The following ZDHHC23 variants were observed in gnomAD, a reference collection of about 807,000 sequenced individuals.
The protein encoded by ZDHHC23 is zDHHC palmitoyltransferase 23.
ZDHHC23 carries 41 observed loss-of-function variants against 40.2 expected under a neutral mutation model. That is an observed-to-expected ratio of 1.02 (90% CI 0.79 to 1.32). ZDHHC23 has a LOEUF of 1.32. ZDHHC23 is among the 40% of genes most tolerant of loss of function. The pLI is 0.00. For synonymous variants in ZDHHC23, 204 were observed against 210.2 expected, an observed-to-expected ratio of 0.97 and a Z score of 0.26; for missense variants, 471 against 541.5, an observed-to-expected ratio of 0.87 and a Z score of 1.29.
At position 113,960,564 on chromosome 3, in the gene ZDHHC23, A is replaced by G; in HGVS notation, c.*1934A>G. On this transcript the variant is annotated 3_prime_UTR_variant, in exon 5 of 5. Coordinates refer to ENST00000638807, the MANE Select transcript of ZDHHC23 (RefSeq NM_001320466.2). ...ATCTAGCCATTGATCATACAAATTG[A>G]TAGAAACATTAGTCAGTAATTTTAG... The G allele has an allele frequency of 1.4e-6, 2 of 1,472,492 alleles. No individual in the cohort carries two copies. The highest frequency in any genetic ancestry group is 1.4e-5 in the South Asian group (1 of 70,456). 91.2% of individuals were successfully genotyped at this position (1,472,492 alleles called of 1,614,324 possible). A position where few individuals can be genotyped will look rare whatever the true frequency, so the allele number is the denominator to read the frequency against.
At chr3:113,964,037 G>A (rs1483169230), downstream of ZDHHC23, 1 of 151,944 alleles carries the variant, frequency 6.6e-6, no homozygotes, top group East Asian at 1.9e-4. Context: ...AAGGTGTTTG[G>A]TCATATCACA....
At chr3:113,977,871 A>G in the ZDHHC23 span, among the ~76,000 whole-genome samples, 12 of 152,334 alleles carry the variant, frequency 7.9e-5, 1 homozygote, top group South Asian at 2.5e-3. Context: ...ATAAAACTAT[A>G]TTTGACTAAC....
rs930265900 is a variant in ZDHHC23, at chr3:113,948,096, A to T, written c.-212A>T. ...TGCCGTCACGCCCGGGGCTCCGCGTAGCAGAGATCGGGAGACGCGTCTGTG... is the reference window on the plus strand; with the variant it reads ...TGCCGTCACGCCCGGGGCTCCGCGTTGCAGAGATCGGGAGACGCGTCTGTG... On this transcript the variant is annotated 5_prime_UTR_variant, in exon 1 of 5. Transcript: ENST00000638807. 4.6e-5 allele frequency: 7 copies of T among 152,002 alleles called. No individual in the cohort carries two copies. The highest frequency in any genetic ancestry group is 1.7e-4 in the African/African-American group (7 of 41,400). The allele number at this position is 152,002 out of a possible 1,614,324, so 9.4% of individuals were successfully genotyped here.
Position 113,954,265 on chromosome 3 carries a change from A to G in ZDHHC23, c.727A>G (p.Lys243Glu), listed in dbSNP as rs1220115021. The G allele has an allele frequency of 3.5e-5, 56 of 1,614,038 alleles. No homozygotes were observed. Among genetic ancestry groups the G allele is most frequent in the Non-Finnish European group, 4.7e-5 (55 of 1,180,004 alleles). ...LNNRTTKDDP[K>E]GSSKMPAGSP... The stretch of plus-strand genomic sequence containing the variant: ...CAATCGCACAACAAAGGATGACCCC[A>G]AGGGCTCTTCCAAGATGCCAGCTGG... The change falls in exon 3 of 5, where the codon AAG (lysine) becomes GAG (glutamate). Residue 243 changes from lysine (K) to glutamate (E), a missense_variant. Lys to Glu is a moderately conservative substitution (Grantham distance 56). Coordinates refer to ENST00000638807, the MANE Select transcript of ZDHHC23 (RefSeq NM_001320466.2).
chr3:113,951,019 G>A (rs1938604110), intron 2 of ZDHHC23, among the ~76,000 whole-genome samples: 1 of 152,320 alleles, frequency 6.6e-6, no homozygotes, highest in South Asian at 2.1e-4. Context: ...CTGGGTTGGC[G>A]GTTGGGCCCC....
chr3:113,964,956 T>C (rs997955214), downstream of ZDHHC23: 4 of 396,362 alleles, frequency 1.0e-5, no homozygotes, highest in Non-Finnish European at 1.8e-5. Flanking sequence ...GATCCCACTG[T>C]GATAAATGCT....
At chr3:113,966,649 A>G (rs1940204011), downstream of ZDHHC23, among the ~76,000 whole-genome samples, 1 of 152,178 alleles carries the variant, frequency 6.6e-6, no homozygotes, top group Admixed American at 6.5e-5. Flanking sequence ...AGAGTAGTTA[A>G]GCTTATATTT....
intron 2 of ZDHHC23, 106 bp downstream of exon 2, chr3:113,949,069 A>G (rs1938414456): frequency 1.4e-6 from 2 of 1,429,306 alleles, no homozygotes; most frequent in East Asian, 2.3e-5. Context: ...TCTTGATTCT[A>G]TTTCCAAGCA....
At position 113,953,523 on chromosome 3, in the gene ZDHHC23, T is replaced by A. The variant is rs561245255; in HGVS notation, c.162-177T>A. Among the ~76,000 whole-genome samples the A allele has an allele frequency of 9.8e-5, 15 of 152,330 alleles. No individual in the cohort carries two copies. In the South Asian group the frequency reaches 3.1e-3, roughly 32 times the overall value. The stretch of plus-strand genomic sequence containing the variant: ...GACTTTAAGTTTTTAAACATCTTGT[T>A]CCTATTTTAAAAAATGACATGTGAA... On this transcript the variant is annotated intron_variant, in intron 2 of 4. Transcript: ENST00000638807.
At chr3:113,953,266 C>T (rs907199238) in intron 2 of ZDHHC23, among the ~76,000 whole-genome samples, 3 of 152,212 alleles carry the variant, frequency 2.0e-5, no homozygotes, top group Admixed American at 6.5e-5. Flanking sequence ...CTGAAGACTC[C>T]ACCCAGAAGT....
chr3:113,961,826 T>C lies in ZDHHC23; in HGVS notation c.*3196T>C, dbSNP rs1000748521. 2 of 152,660 alleles carry C rather than the reference T, an allele frequency of 1.3e-5. No individual in the cohort carries two copies. The highest frequency in any genetic ancestry group is 2.9e-5 in the Non-Finnish European group (2 of 68,032). 9.5% of individuals were successfully genotyped at this position (152,660 alleles called of 1,614,324 possible). A position where few individuals can be genotyped will look rare whatever the true frequency, so the allele number is the denominator to read the frequency against. ...AACACAGTGCCAGTAAGGTTCTACA[T>C]ACCACTGACCATCTGCTTAATAGAC... On this transcript the variant is annotated 3_prime_UTR_variant, in exon 5 of 5. Coordinates refer to ENST00000638807, the MANE Select transcript of ZDHHC23 (RefSeq NM_001320466.2).
chr3:113,961,484 G>C lies in ZDHHC23; in HGVS notation c.*2854G>C, dbSNP rs1939674811. ...GGAGCACTTTTATGGTTCCAGCCGAGCGTTCCTGAAATGAACTGACCATTA... is the reference window on the plus strand; with the variant it reads ...GGAGCACTTTTATGGTTCCAGCCGACCGTTCCTGAAATGAACTGACCATTA... On this transcript the variant is annotated 3_prime_UTR_variant, in exon 5 of 5. Transcript: ENST00000638807. The C allele has an allele frequency of 6.6e-6, 1 of 152,624 alleles. No homozygotes were observed. Among genetic ancestry groups the C allele is most frequent in the South Asian group, 2.1e-4 (1 of 4,830 alleles). 9.5% of individuals were successfully genotyped at this position (152,624 alleles called of 1,614,324 possible).
At position 113,959,090 on chromosome 3, in the gene ZDHHC23, A is replaced by C. The variant is rs1577273097; in HGVS notation, c.*460A>C. 1 of 942,058 alleles carries C rather than the reference A, an allele frequency of 1.1e-6. No homozygotes were observed. Among genetic ancestry groups the C allele is most frequent in the Non-Finnish European group, 1.3e-6 (1 of 742,416 alleles). The allele number at this position is 942,058 out of a possible 1,614,324, so 58.4% of individuals were successfully genotyped here. On this transcript the variant is annotated 3_prime_UTR_variant, in exon 5 of 5. Coordinates refer to ENST00000638807, the MANE Select transcript of ZDHHC23 (RefSeq NM_001320466.2). ...GCCCTGGCTACCTCACAGAGCCGTC[A>C]TGAGGGTCACGTGAGGGAAGATGGA...
chr3:113,978,122 C>A, the ZDHHC23 span: 17 of 1,568,868 alleles, frequency 1.1e-5, no homozygotes, highest in South Asian at 1.8e-4. Context: ...ATTGTAGGAG[C>A]AGAATATATT....
chr3:113,958,749 AG>A lies in ZDHHC23; in HGVS notation c.*121del. 2 of 1,577,164 alleles carry A rather than the reference AG, an allele frequency of 1.3e-6. No homozygotes were observed. The highest frequency in any genetic ancestry group is 4.6e-5 in the East Asian group (2 of 43,304). On this transcript the variant is annotated 3_prime_UTR_variant, in exon 5 of 5. Coordinates refer to ENST00000638807, the MANE Select transcript of ZDHHC23 (RefSeq NM_001320466.2). The stretch of plus-strand genomic sequence containing the variant: ...TTAAAGGCATTATAGGGCCATGCTC[AG>A]GTTTAGAGACTGGAGTGGGAAGAAG...
Position 113,958,435 on chromosome 3 carries a change from C to A in ZDHHC23, c.1113C>A (p.Ile371=), listed in dbSNP as rs139842809. 3.8e-5 allele frequency: 62 copies of A among 1,614,196 alleles called. No individual in the cohort carries two copies. In the East Asian group the frequency reaches 6.9e-4, roughly 18 times the overall value. Residue 371 remains isoleucine (I), a synonymous_variant, in exon 5 of 5, where the codon ATC becomes ATA. Transcript: ENST00000638807. The part of the protein sequence containing the change: ...ITAGMAYIFL[I]QLINISYNVT... ...CAGGCATGGCCTACATCTTCCTGAT[C>A]CAGCTGATCAACATCAGCTACAATG...
At position 113,960,870 on chromosome 3, in the gene ZDHHC23, T is replaced by A. The variant is rs1939635073; in HGVS notation, c.*2240T>A. The A allele has an allele frequency of 1.5e-6, 2 of 1,357,356 alleles. No individual in the cohort carries two copies. The highest frequency in any genetic ancestry group is 1.9e-6 in the Non-Finnish European group (2 of 1,028,100). The allele number at this position is 1,357,356 out of a possible 1,614,324, so 84.1% of individuals were successfully genotyped here. ...CAGAATGCTTAAACCTGTCAAAAGA[T>A]GAGTGATCTTGTGTGGGAAAAGCCT... On this transcript the variant is annotated 3_prime_UTR_variant, in exon 5 of 5. Coordinates refer to ENST00000638807, the MANE Select transcript of ZDHHC23 (RefSeq NM_001320466.2).
chr3:113,955,391 T>TGTGTGCGC (rs58421915), intron 3 of ZDHHC23, among the ~76,000 whole-genome samples: 45 of 149,176 alleles, frequency 3.0e-4, no homozygotes, highest in African/African-American at 1.1e-3. Flanking sequence ...TGTGTGTGTG[T>TGTGTGCGC]GCGTGTGTGT....
At position 113,958,654 on chromosome 3, in the gene ZDHHC23, A is replaced by G; in HGVS notation, c.*24A>G. The G allele has an allele frequency of 1.3e-6, 2 of 1,593,834 alleles. No individual in the cohort carries two copies. Among genetic ancestry groups the G allele is most frequent in the Non-Finnish European group, 8.5e-7 (1 of 1,177,464 alleles). On this transcript the variant is annotated 3_prime_UTR_variant, in exon 5 of 5. Coordinates refer to ENST00000638807, the MANE Select transcript of ZDHHC23 (RefSeq NM_001320466.2). Reference sequence around the variant, plus strand: ...GAAGTGCCTTCTATGTGGCTCTCTGAGGGATGATGGCTCCTCCTTCCGTCT... The same window carrying G: ...GAAGTGCCTTCTATGTGGCTCTCTGGGGGATGATGGCTCCTCCTTCCGTCT...
Sources: gnomAD v4.1 joint callset for allele counts (sites outside exome capture counted in the v4.1 genomes callset) on GRCh38, gnomAD v4.1.1 for gene constraint, MANE v1.5 for transcripts, NCBI Gene and HGNC (gene_info 2026-07-23, HGNC 2026-07-21) for gene names.